Variants in ATRNL1 observed in about 807,000 individuals in gnomAD.
The protein encoded by ATRNL1 is attractin-like protein 1.
ATRNL1 carries 95 observed loss-of-function variants against 182.7 expected under a neutral mutation model. The ratio of observed to expected loss-of-function variants is 0.52; its 90% CI spans 0.44 to 0.62. The LOEUF (loss-of-function observed/expected upper bound fraction) is 0.62, where lower values mean the gene tolerates loss of function less well. Ranked by LOEUF, ATRNL1 falls within the 20% of genes least tolerant of loss-of-function variation. The pLI, the probability that ATRNL1 is intolerant of heterozygous loss-of-function variation, is 0.00. For missense variants in ATRNL1, 1,471 were observed against 1,679.5 expected, an observed-to-expected ratio of 0.88 and a Z score of 2.17; for synonymous variants, 576 against 568.3, an observed-to-expected ratio of 1.01 and a Z score of -0.19.
At chr10:115,554,875 A>G (rs530168511) in intron 26 of ATRNL1, among the ~76,000 whole-genome samples, 11 of 151,858 alleles carry the variant, frequency 7.2e-5, no homozygotes, top group African/African-American at 2.6e-4. Context: ...TCTTTATTAT[A>G]TGCTATTATC....
At chr10:115,414,899 A>G (rs1314436533) in intron 20 of ATRNL1, among the ~76,000 whole-genome samples, 1 of 151,982 alleles carries the variant, frequency 6.6e-6, no homozygotes, top group African/African-American at 2.4e-5. Flanking sequence ...TTAGAGATGT[A>G]TAGTATTCCA....
intron 13 of ATRNL1, among the ~76,000 whole-genome samples, chr10:115,270,602 G>A (rs1180158689): frequency 2.0e-5 from 3 of 151,808 alleles, no homozygotes; most frequent in Non-Finnish European, 4.4e-5. Flanking sequence ...TTGAGAACCA[G>A]GAGTGCAGAT....
intron 18 of ATRNL1, among the ~76,000 whole-genome samples, chr10:115,330,430 C>T (rs1189903975): frequency 4.0e-5 from 6 of 151,760 alleles, no homozygotes; most frequent in African/African-American, 1.5e-4. Flanking sequence ...TCTTTTTGTT[C>T]GAACAACTCC....
Position 115,334,433 on chromosome 10 carries a change from A to G in ATRNL1, c.3175+14A>G, listed in dbSNP as rs1260502579. 9 of 1,508,170 alleles carry G rather than the reference A, an allele frequency of 6.0e-6. No homozygotes were observed. The African/African-American group carries it at 1.2e-4, about 21-fold the overall frequency. 93.4% of individuals were successfully genotyped at this position (1,508,170 alleles called of 1,614,324 possible). A position where few individuals can be genotyped will look rare whatever the true frequency, so the allele number is the denominator to read the frequency against. On this transcript the variant is annotated intron_variant, in intron 19 of 28. Transcript: ENST00000355044. ...GACAGTGCACAGGTAAGTTTCTTTT[A>G]AGCAAATTTTGGTGTATTTTTACTA...
chr10:115,924,528 T>C (rs565730682), intron 28 of ATRNL1, among the ~76,000 whole-genome samples: 243 of 152,290 alleles, frequency 1.6e-3, no homozygotes, highest in African/African-American at 5.7e-3. Context: ...TTGCCTGTTT[T>C]TGTCAGGTTT....
intron 6 of ATRNL1, among the ~76,000 whole-genome samples, chr10:115,162,900 A>G (rs1430510149): frequency 6.6e-6 from 1 of 151,968 alleles, no homozygotes; most frequent in Non-Finnish European, 1.5e-5. Flanking sequence ...ATCCAGGTCA[A>G]GGAAAATGAA....
At chr10:115,191,931 A>G (rs1486012348) in intron 8 of ATRNL1, among the ~76,000 whole-genome samples, 2 of 152,074 alleles carry the variant, frequency 1.3e-5, no homozygotes, top group Admixed American at 6.6e-5. Context: ...TCTTTTGCCC[A>G]TTTAAAAATA....
intron 8 of ATRNL1, among the ~76,000 whole-genome samples, chr10:115,172,950 T>A (rs1847352151): frequency 6.6e-6 from 1 of 151,802 alleles, no homozygotes; most frequent in Non-Finnish European, 1.5e-5. Flanking sequence ...TAGCTTGGTC[T>A]CGCTCCCAGC....
At chr10:115,927,281 A>C (rs1433125436) in intron 28 of ATRNL1, among the ~76,000 whole-genome samples, 1 of 152,196 alleles carries the variant, frequency 6.6e-6, no homozygotes, top group Non-Finnish European at 1.5e-5. Context: ...GCTATTTATG[A>C]CAAATCCACA....
chr10:115,473,493 T>G (rs111344432), intron 24 of ATRNL1, among the ~76,000 whole-genome samples: 66 of 151,360 alleles, frequency 4.4e-4, no homozygotes, highest in African/African-American at 1.6e-3. Flanking sequence ...TAACTAAAAT[T>G]TTGTGTCCTT....
At chr10:115,277,300 G>C (rs1274962219) in intron 13 of ATRNL1, among the ~76,000 whole-genome samples, 1 of 151,818 alleles carries the variant, frequency 6.6e-6, no homozygotes, top group East Asian at 1.9e-4. Flanking sequence ...ATTATATCTG[G>C]GTACTTTTTA....
At chr10:115,260,681 A>G (rs902345146) in intron 10 of ATRNL1, among the ~76,000 whole-genome samples, 7 of 152,196 alleles carry the variant, frequency 4.6e-5, no homozygotes, top group South Asian at 4.1e-4. Context: ...TGGACAGAAG[A>G]TGTTACATTT....
intron 26 of ATRNL1, among the ~76,000 whole-genome samples, chr10:115,664,134 C>G (rs1249320496): frequency 6.6e-6 from 1 of 152,288 alleles, no homozygotes; most frequent in Admixed American, 6.6e-5. Context: ...CCAGTGTTCT[C>G]CGCTAAAGAG....
At chr10:115,806,353 T>A (rs1386689351) in intron 27 of ATRNL1, among the ~76,000 whole-genome samples, 1 of 152,164 alleles carries the variant, frequency 6.6e-6, no homozygotes, top group Non-Finnish European at 1.5e-5. Context: ...CCAAAGTTAC[T>A]GAGCCAGACT....
intron 25 of ATRNL1, among the ~76,000 whole-genome samples, chr10:115,535,495 A>G (rs1851919014): frequency 6.7e-6 from 1 of 150,092 alleles, no homozygotes; most frequent in African/African-American, 2.4e-5. Context: ...TGGTTATTCT[A>G]GTTATACATT....
In ATRNL1 at chr10:115,864,705, G is replaced by A. The variant is rs1415854113; in HGVS notation, c.4018+16714G>A. ...CAATGTAATCACAAGAAAAGAGGCC[G>A]GGCGCGGTGGCTCACGCCTGTAATC... On this transcript the variant is annotated intron_variant, in intron 28 of 28. Coordinates refer to ENST00000355044, the MANE Select transcript of ATRNL1 (RefSeq NM_207303.4). Among the ~76,000 whole-genome samples, 10 of 152,224 alleles carry A rather than the reference G, an allele frequency of 6.6e-5. No homozygotes were observed. The South Asian group carries it at 8.3e-4, about 13-fold the overall frequency.
At chr10:115,105,198 T>C (rs1423409428) in intron 1 of ATRNL1, among the ~76,000 whole-genome samples, 2 of 152,206 alleles carry the variant, frequency 1.3e-5, no homozygotes, top group Non-Finnish European at 1.5e-5. Flanking sequence ...GAAATATCTT[T>C]CCATTTTTTT....
chr10:115,529,352 T>A (rs1242521836), intron 25 of ATRNL1, among the ~76,000 whole-genome samples: 1 of 151,920 alleles, frequency 6.6e-6, no homozygotes, highest in African/African-American at 2.4e-5. Context: ...TTTTTTCTCT[T>A]GTTATATTTT....
intron 25 of ATRNL1, among the ~76,000 whole-genome samples, chr10:115,543,162 A>G (rs569164759): frequency 6.6e-6 from 1 of 152,284 alleles, no homozygotes; most frequent in Admixed American, 6.5e-5. Context: ...AATCTTAACT[A>G]ATAGTGCTCC....
Sources: allele counts gnomAD v4.1 joint callset (sites outside exome capture counted in the v4.1 genomes callset), GRCh38; gene constraint gnomAD v4.1.1; transcripts MANE v1.5; gene names NCBI Gene and HGNC (gene_info 2026-07-23, HGNC 2026-07-21).